CACNB2: variants seen among roughly 807,000 people sequenced by gnomAD.
CACNB2 encodes the protein calcium voltage-gated channel auxiliary subunit beta 2.
A neutral mutation model predicts 73.3 loss-of-function variants in CACNB2; 42 were observed. The observed-to-expected ratio is 0.57, with a 90% CI of 0.45 to 0.74. The LOEUF (loss-of-function observed/expected upper bound fraction) is 0.74. CACNB2 is among the 30% of genes least tolerant of loss of function. CACNB2 has a pLI of 0.00. For missense variants in CACNB2, 940 were observed against 853.0 expected (o/e 1.10, Z -1.27); for synonymous variants, 348 against 310.3 (o/e 1.12, Z -1.28).
chr10:18,157,270 C>T (rs71497236), intron 2 of CACNB2, among the ~76,000 whole-genome samples: 10,720 of 152,200 alleles, frequency 0.07, 491 homozygotes, highest in South Asian at 0.12. Context: ...GTGGCGAACG[C>T]CTGGACTTGG....
chr10:18,489,408 A>G (rs2049276605), intron 3 of CACNB2, among the ~76,000 whole-genome samples: 1 of 150,918 alleles, frequency 6.6e-6, no homozygotes, highest in Non-Finnish European at 1.5e-5. Context: ...AAAAAAAAAA[A>G]AAAAAATCTT....
chr10:18,152,919 G>T (rs10828272), intron 2 of CACNB2, among the ~76,000 whole-genome samples: 14 of 151,942 alleles, frequency 9.2e-5, no homozygotes, highest in African/African-American at 2.7e-4. Flanking sequence ...GAAACGCCAC[G>T]TGAAGGCAGT....
At chr10:18,465,620 A>G (rs1174328892) in intron 3 of CACNB2, among the ~76,000 whole-genome samples, 1 of 151,556 alleles carries the variant, frequency 6.6e-6, no homozygotes, top group Admixed American at 6.6e-5. Context: ...AAGGAAGCAC[A>G]GTGTTCCACA....
In CACNB2 at chr10:18,167,590, G is replaced by A. The variant is rs544514687; in HGVS notation, c.213+16615G>A. 2.4e-4 allele frequency among the ~76,000 whole-genome samples: 37 copies of A among 152,140 alleles called. No individual in the cohort carries two copies. In the South Asian group the frequency reaches 6.0e-3, roughly 25 times the overall value. ...ATCTCATCTCAGAAATGCTCGCATCGACTGTGAAAAATTGTCTTTATTTTA... is the reference window on the plus strand; with the variant it reads ...ATCTCATCTCAGAAATGCTCGCATCAACTGTGAAAAATTGTCTTTATTTTA... On this transcript the variant is annotated intron_variant, in intron 2 of 13. Coordinates refer to ENST00000324631, the MANE Select transcript of CACNB2 (RefSeq NM_201596.3).
At chr10:18,503,998 G>T (rs1472610106) in intron 5 of CACNB2, among the ~76,000 whole-genome samples, 1 of 152,160 alleles carries the variant, frequency 6.6e-6, no homozygotes, top group African/African-American at 2.4e-5. Context: ...AATTTGGGAT[G>T]GATTTTTGCA....
chr10:18,202,702 A>C (rs1056145391), intron 2 of CACNB2, among the ~76,000 whole-genome samples: 4 of 152,222 alleles, frequency 2.6e-5, no homozygotes, highest in African/African-American at 9.6e-5. Context: ...ATAGTTCCAG[A>C]ACCATTCTCA....
intron 2 of CACNB2, among the ~76,000 whole-genome samples, chr10:18,365,437 C>A (rs1473407729): frequency 6.6e-6 from 1 of 152,170 alleles, no homozygotes; most frequent in African/African-American, 2.4e-5. Flanking sequence ...TGGACTCTTA[C>A]ATTCAGTTTG....
chr10:18,260,490 A>G, intron 2 of CACNB2: 1 of 985,506 alleles, frequency 1.0e-6, no homozygotes, highest in South Asian at 4.7e-5. Flanking sequence ...TGAGCGAGTC[A>G]GGTCCTGAGG....
At chr10:18,180,311 T>A (rs945841299) in intron 2 of CACNB2, among the ~76,000 whole-genome samples, 1 of 152,180 alleles carries the variant, frequency 6.6e-6, no homozygotes, top group African/African-American at 2.4e-5. Context: ...TCTTCCCAGA[T>A]GGAAAGACTA....
intron 2 of CACNB2, among the ~76,000 whole-genome samples, chr10:18,251,289 G>T (rs1357269561): frequency 6.6e-6 from 1 of 151,550 alleles, no homozygotes; most frequent in Non-Finnish European, 1.5e-5. Context: ...CTGTCGCCCA[G>T]GCTGGAATGT....
intron 2 of CACNB2, among the ~76,000 whole-genome samples, chr10:18,364,181 GGTGAT>G (rs2042254350): frequency 6.6e-6 from 1 of 151,776 alleles, no homozygotes; most frequent in Non-Finnish European, 1.5e-5. Context: ...CCTGACCTCA[GGTGAT>G]CAGGTGATCC....
At chr10:18,405,275 T>G (rs984382460) in intron 3 of CACNB2, among the ~76,000 whole-genome samples, 10 of 152,140 alleles carry the variant, frequency 6.6e-5, no homozygotes, top group Non-Finnish European at 1.5e-5. Flanking sequence ...TCCCCAACCA[T>G]CTCCCTGTCC....
At chr10:18,301,253 G>A (rs945085224) in intron 2 of CACNB2, among the ~76,000 whole-genome samples, 1 of 152,104 alleles carries the variant, frequency 6.6e-6, no homozygotes, top group East Asian at 1.9e-4. Context: ...CTGACTTTGC[G>A]CTCTCTGATA....
chr10:18,228,441 A>AAAAAAAAAG lies in CACNB2; in HGVS notation c.213+77475_213+77483dup, dbSNP rs1554773824. Among the ~76,000 whole-genome samples, 245 of 145,124 alleles carry AAAAAAAAAG rather than the reference A, an allele frequency of 1.7e-3. 5 individuals carry two copies. The highest frequency in any genetic ancestry group is 7.0e-3 in the Middle Eastern group (2 of 286). On this transcript the variant is annotated intron_variant, in intron 2 of 13. Coordinates refer to ENST00000324631, the MANE Select transcript of CACNB2 (RefSeq NM_201596.3). ...AGAGCAAAACTCTACCTCAAAAAAA[A>AAAAAAAAAG]AAAAAAAAGAAAAAAAAAAAGAAAA... is the stretch of plus-strand genomic sequence containing the variant.
At chr10:18,232,229 A>G (rs1235012588) in intron 2 of CACNB2, among the ~76,000 whole-genome samples, 1 of 152,210 alleles carries the variant, frequency 6.6e-6, no homozygotes. Flanking sequence ...ATGGCACTTT[A>G]TATGTAATCA....
chr10:18,291,585 C>T (rs1186622091), intron 2 of CACNB2, among the ~76,000 whole-genome samples: 1 of 152,170 alleles, frequency 6.6e-6, no homozygotes, highest in East Asian at 1.9e-4. Flanking sequence ...GTTACTTTCG[C>T]TGTTACTTAT....
chr10:18,154,058 A>T (rs1001104465), intron 2 of CACNB2, among the ~76,000 whole-genome samples: 1 of 151,964 alleles, frequency 6.6e-6, no homozygotes, highest in Non-Finnish European at 1.5e-5. Context: ...TTGTTTTAAA[A>T]TATCTTGCAG....
chr10:18,530,121 C>A lies in CACNB2; in HGVS notation c.1054+2424C>A, dbSNP rs191025279. 2.6e-5 allele frequency among the ~76,000 whole-genome samples: 4 copies of A among 152,176 alleles called. No individual in the cohort carries two copies. The South Asian group carries it at 8.3e-4, about 32-fold the overall frequency. The stretch of plus-strand genomic sequence containing the variant: ...AGTCCCATGATTCAATTACCCCCCA[C>A]CAGGTCCCTCCTGTGACACATGGGA... On this transcript the variant is annotated intron_variant, in intron 10 of 13. Coordinates refer to ENST00000324631, the MANE Select transcript of CACNB2 (RefSeq NM_201596.3).
At chr10:18,167,615 A>T (rs960677220) in intron 2 of CACNB2, among the ~76,000 whole-genome samples, 1 of 152,066 alleles carries the variant, frequency 6.6e-6, no homozygotes, top group Non-Finnish European at 1.5e-5. Flanking sequence ...TCTTTATTTT[A>T]TTCGAGGCCC....
Sources: allele counts gnomAD v4.1 joint callset (sites outside exome capture counted in the v4.1 genomes callset), GRCh38; gene constraint gnomAD v4.1.1; transcripts MANE v1.5; gene names NCBI Gene and HGNC (gene_info 2026-07-23, HGNC 2026-07-21).